Variants in SPOCK1 observed in about 807,000 individuals in gnomAD.
SPOCK1 encodes SPARC (osteonectin), cwcv and kazal like domains proteoglycan 1, also known as testican-1.
Under a neutral mutation model 55.3 loss-of-function variants are expected in SPOCK1, and 23 were observed. The ratio of observed to expected loss-of-function variants is 0.42; its 90% confidence interval spans 0.30 to 0.59. The LOEUF is 0.59. SPOCK1 is among the 20% of genes least tolerant of loss of function. The probability of loss-of-function intolerance (pLI) is 0.22; values close to 1 mark genes in which losing one functional copy is unlikely to be tolerated. For synonymous variants in SPOCK1, 226 were observed against 221.0 expected (o/e 1.02, Z -0.20); for missense variants, 499 against 552.5 (o/e 0.90, Z 0.97).
chr5:137,247,102 CAGGGTAA>C (rs1174836547), intron 3 of SPOCK1, among the ~76,000 whole-genome samples: 1 of 152,170 alleles, frequency 6.6e-6, no homozygotes, highest in Non-Finnish European at 1.5e-5. Flanking sequence ...AGACATCAAC[CAGGGTAA>C]AGAAGAAACC....
chr5:137,257,837 C>T (rs1756666578), intron 3 of SPOCK1, among the ~76,000 whole-genome samples: 1 of 152,192 alleles, frequency 6.6e-6, no homozygotes, highest in Admixed American at 6.5e-5. Context: ...TCTGTCAGGG[C>T]ACCTCAAACA....
intron 5 of SPOCK1, among the ~76,000 whole-genome samples, chr5:137,094,953 T>A (rs1468098074): frequency 2.0e-5 from 3 of 152,234 alleles, no homozygotes; most frequent in Non-Finnish European, 4.4e-5. Context: ...TCACTCTTCC[T>A]TTCGCCTGAA....
intron 3 of SPOCK1, among the ~76,000 whole-genome samples, chr5:137,196,658 T>C (rs1279003027): frequency 2.6e-5 from 4 of 152,226 alleles, no homozygotes; most frequent in Non-Finnish European, 4.4e-5. Flanking sequence ...CTATATCAGA[T>C]CTTGCTTTTA....
At chr5:137,143,988 T>C (rs944763940) in intron 3 of SPOCK1, among the ~76,000 whole-genome samples, 11 of 152,166 alleles carry the variant, frequency 7.2e-5, no homozygotes, top group African/African-American at 2.7e-4. Flanking sequence ...AGGGCCCAAG[T>C]GCACCATATT....
intron 3 of SPOCK1, among the ~76,000 whole-genome samples, chr5:137,216,174 C>A (rs921717969): frequency 2.6e-5 from 4 of 152,154 alleles, no homozygotes; most frequent in African/African-American, 9.7e-5. Context: ...GGGACTCAGA[C>A]AGAATGGGTG....
At chr5:137,104,220 G>C (rs75251350) in intron 5 of SPOCK1, among the ~76,000 whole-genome samples, 7,193 of 152,182 alleles carry the variant, frequency 0.047, 551 homozygotes, top group African/African-American at 0.16. Flanking sequence ...CAGGAGATCT[G>C]TTTGTTCAAA....
intron 2 of SPOCK1, among the ~76,000 whole-genome samples, chr5:137,378,865 T>C (rs1271461833): frequency 6.6e-6 from 1 of 152,082 alleles, no homozygotes; most frequent in African/African-American, 2.4e-5. Context: ...GAAAGCAGCA[T>C]CAGAGGGGTA....
intron 3 of SPOCK1, among the ~76,000 whole-genome samples, chr5:137,160,184 C>G (rs1443531391): frequency 6.6e-6 from 1 of 151,388 alleles, no homozygotes; most frequent in Non-Finnish European, 1.5e-5. Flanking sequence ...TAGCTTAGCT[C>G]CCACATATCA....
chr5:137,299,676 G>A (rs1356085624), intron 2 of SPOCK1, among the ~76,000 whole-genome samples: 1 of 151,842 alleles, frequency 6.6e-6, no homozygotes, highest in Non-Finnish European at 1.5e-5. Flanking sequence ...AGAGTTGACA[G>A]GTTTTAATGT....
At chr5:137,397,805 T>C (rs778328207) in intron 2 of SPOCK1, among the ~76,000 whole-genome samples, 1 of 152,144 alleles carries the variant, frequency 6.6e-6, no homozygotes, top group Non-Finnish European at 1.5e-5. Context: ...CAGCTGGCTC[T>C]CACATATTCA....
intron 3 of SPOCK1, among the ~76,000 whole-genome samples, chr5:137,254,390 C>A (rs1351516952): frequency 2.0e-5 from 3 of 152,118 alleles, no homozygotes; most frequent in South Asian, 2.1e-4. Context: ...CCATGAGAAA[C>A]CCTTTCCACT....
At chr5:137,485,027 A>G (rs1222632049) in intron 2 of SPOCK1, among the ~76,000 whole-genome samples, 1 of 152,212 alleles carries the variant, frequency 6.6e-6, no homozygotes, top group Non-Finnish European at 1.5e-5. Flanking sequence ...TCAAAAGTCT[A>G]CTGGAGGCAA....
intron 2 of SPOCK1, among the ~76,000 whole-genome samples, chr5:137,484,613 CA>C (rs1262772123): frequency 1.3e-5 from 2 of 152,204 alleles, no homozygotes; most frequent in African/African-American, 4.8e-5. Flanking sequence ...AGGGTAGAAT[CA>C]GTACCACGTG....
intron 3 of SPOCK1, among the ~76,000 whole-genome samples, chr5:137,161,492 T>C (rs1361693762): frequency 6.6e-6 from 1 of 152,182 alleles, no homozygotes; most frequent in Non-Finnish European, 1.5e-5. Flanking sequence ...CCAACGGAAG[T>C]AATTGCTTAG....
chr5:137,267,420 G>A (rs534324422), intron 2 of SPOCK1, among the ~76,000 whole-genome samples: 1 of 152,308 alleles, frequency 6.6e-6, no homozygotes, highest in African/African-American at 2.4e-5. Context: ...TTAAGCCTCT[G>A]TGTTTGTAAC....
intron 6 of SPOCK1, among the ~76,000 whole-genome samples, chr5:136,996,086 G>T (rs1443810588): frequency 6.6e-6 from 1 of 152,210 alleles, no homozygotes; most frequent in Non-Finnish European, 1.5e-5. Flanking sequence ...ACAACACACA[G>T]GCTGGTGATG....
intron 4 of SPOCK1, among the ~76,000 whole-genome samples, chr5:137,119,478 T>C (rs774184539): frequency 7.2e-5 from 11 of 152,242 alleles, no homozygotes; most frequent in Non-Finnish European, 1.6e-4. Context: ...CATAATGGCC[T>C]GTGTCATTTA....
At chr5:137,324,532 T>TA (rs1240715006) in intron 2 of SPOCK1, among the ~76,000 whole-genome samples, 1 of 152,142 alleles carries the variant, frequency 6.6e-6, no homozygotes, top group Non-Finnish European at 1.5e-5. Context: ...AAAGAGGAGA[T>TA]ACTGCATCAT....
chr5:137,099,918 T>C (rs990233405), intron 5 of SPOCK1, among the ~76,000 whole-genome samples: 1 of 152,140 alleles, frequency 6.6e-6, no homozygotes, highest in Non-Finnish European at 1.5e-5. Context: ...CCCGGAGTCA[T>C]GGTCAGGATT....
Sources: gnomAD v4.1 joint callset for allele counts (sites outside exome capture counted in the v4.1 genomes callset) on GRCh38, gnomAD v4.1.1 for gene constraint, MANE v1.5 for transcripts, NCBI Gene and HGNC (gene_info 2026-07-23, HGNC 2026-07-21) for gene names.